The following WWOX variants were observed in gnomAD, a reference collection of about 807,000 sequenced individuals.
The protein encoded by WWOX is WW domain-containing oxidoreductase.
WWOX carries 69 observed loss-of-function variants against 46.2 expected under a neutral mutation model. The observed-to-expected ratio is 1.49, with a 90% CI of 1.23 to 1.82. The LOEUF is 1.82. Ranked by LOEUF, WWOX falls within the 40% of genes most tolerant of loss-of-function variation. WWOX has a pLI of 0.00. For missense variants in WWOX, 919 were observed against 542.6 expected, an observed-to-expected ratio of 1.69 and a Z score of -6.89; for synonymous variants, 359 against 202.6, an observed-to-expected ratio of 1.77 and a Z score of -6.56.
chr16:78,463,777 G>C (rs1218458897), intron 8 of WWOX, among the ~76,000 whole-genome samples: 1 of 152,190 alleles, frequency 6.6e-6, no homozygotes, highest in South Asian at 2.1e-4. Flanking sequence ...TGTTAGGTTA[G>C]GGTTTATGAT....
In WWOX at chr16:78,412,646, GGGA is replaced by G. The variant is rs1201749649; in HGVS notation, c.606-12219_606-12217del. Among the ~76,000 whole-genome samples, 6 of 152,288 alleles carry G rather than the reference GGGA, an allele frequency of 3.9e-5. 1 individual carries two copies. Among genetic ancestry groups the G allele is most frequent in the African/African-American group, 1.4e-4 (6 of 41,562 alleles). On this transcript the variant is annotated intron_variant, in intron 6 of 8. Transcript: ENST00000566780. Reference sequence around the variant, plus strand: ...AGACAGGAAAGTGAGCCAGAAGTGAGGGAGGAGCAGGATCCTCTGCAACAGGGC... The same window carrying G: ...AGACAGGAAAGTGAGCCAGAAGTGAGGGAGCAGGATCCTCTGCAACAGGGC...
intron 8 of WWOX, among the ~76,000 whole-genome samples, chr16:79,045,820 G>GTTTTTGTTTT (rs2048055342): frequency 3.1e-5 from 1 of 31,868 alleles, no homozygotes; most frequent in Non-Finnish European, 6.8e-5. Context: ...TTTTTTTTTT[G>GTTTTTGTTTT]AGATGGAGTC....
At chr16:79,116,880 C>A (rs2049526969) in intron 8 of WWOX, among the ~76,000 whole-genome samples, 2 of 151,942 alleles carry the variant, frequency 1.3e-5, no homozygotes, top group Non-Finnish European at 2.9e-5. Context: ...CTGTAGGCTT[C>A]TAAAATGTAT....
At chr16:78,634,103 G>C (rs1268560082) in intron 8 of WWOX, among the ~76,000 whole-genome samples, 1 of 152,142 alleles carries the variant, frequency 6.6e-6, no homozygotes, top group Non-Finnish European at 1.5e-5. Flanking sequence ...TGGAGATGCA[G>C]CTATATGACT....
intron 8 of WWOX, among the ~76,000 whole-genome samples, chr16:78,680,936 C>T (rs565110715): frequency 1.3e-5 from 2 of 152,026 alleles, no homozygotes; most frequent in African/African-American, 2.4e-5. Flanking sequence ...CATAGTGAGA[C>T]CCTCTGTCTA....
intron 5 of WWOX, among the ~76,000 whole-genome samples, chr16:78,233,209 A>G (rs964654843): frequency 2.6e-5 from 4 of 152,330 alleles, no homozygotes; most frequent in African/African-American, 9.6e-5. Context: ...GACGATCAAC[A>G]TGCTGAACTG....
chr16:78,907,491 T>C (rs2044996864), intron 8 of WWOX, among the ~76,000 whole-genome samples: 1 of 152,208 alleles, frequency 6.6e-6, no homozygotes, highest in South Asian at 2.1e-4. Flanking sequence ...AAAGGCAGTT[T>C]AGTTTGGGGG....
chr16:78,642,732 G>C (rs1394787225), intron 8 of WWOX, among the ~76,000 whole-genome samples: 2 of 152,128 alleles, frequency 1.3e-5, no homozygotes, highest in Non-Finnish European at 2.9e-5. Context: ...CTGAGGCTGT[G>C]TGTGGGTGCA....
chr16:78,753,208 G>A (rs2049530341), intron 8 of WWOX, among the ~76,000 whole-genome samples: 2 of 152,094 alleles, frequency 1.3e-5, no homozygotes, highest in Non-Finnish European at 2.9e-5. Context: ...GCTGAGACAG[G>A]ATAATGGTGT....
intron 8 of WWOX, among the ~76,000 whole-genome samples, chr16:78,952,411 C>G (rs1157546592): frequency 7.0e-6 from 1 of 142,000 alleles, no homozygotes; most frequent in African/African-American, 2.7e-5. Context: ...AGACAAAAGT[C>G]TCGCTCTGTC....
At chr16:79,081,114 G>T (rs190918120) in intron 8 of WWOX, among the ~76,000 whole-genome samples, 1 of 152,136 alleles carries the variant, frequency 6.6e-6, no homozygotes, top group Admixed American at 6.5e-5. Flanking sequence ...TCCATCCCCT[G>T]TGTGGAGATA....
At chr16:78,909,907 T>C (rs571216067) in intron 8 of WWOX, among the ~76,000 whole-genome samples, 132 of 152,336 alleles carry the variant, frequency 8.7e-4, no homozygotes, top group African/African-American at 3.0e-3. Flanking sequence ...CAAAATAAGA[T>C]GTCAAGCTAA....
chr16:78,753,831 T>TAC (rs2049558534), intron 8 of WWOX, among the ~76,000 whole-genome samples: 1 of 81,906 alleles, frequency 1.2e-5, no homozygotes, highest in Non-Finnish European at 2.2e-5. Context: ...AAAAAATATA[T>TAC]ATATATATAT....
At chr16:78,669,129 C>G (rs1429488278) in intron 8 of WWOX, among the ~76,000 whole-genome samples, 1 of 151,730 alleles carries the variant, frequency 6.6e-6, no homozygotes, top group Non-Finnish European at 1.5e-5. Flanking sequence ...GCTGTGGCCC[C>G]ATCTCCACCA....
chr16:78,132,776 C>A lies in WWOX; in HGVS notation c.409+17622C>A, dbSNP rs917560773. ...GTAGCTCTGGGCTCTTCGATTCTCA[C>A]GTGCTGATGGTGTAGCTGAGCTCTG... On this transcript the variant is annotated intron_variant, in intron 4 of 8. Coordinates refer to ENST00000566780, the MANE Select transcript of WWOX (RefSeq NM_016373.4). Among the ~76,000 whole-genome samples the A allele has an allele frequency of 2.0e-5, 3 of 152,152 alleles. No homozygotes were observed. The South Asian group carries it at 6.2e-4, about 32-fold the overall frequency.
At chr16:78,428,991 G>T (rs980363943) in intron 7 of WWOX, among the ~76,000 whole-genome samples, 4 of 152,184 alleles carry the variant, frequency 2.6e-5, no homozygotes, top group African/African-American at 9.7e-5. Context: ...CTCATCATGG[G>T]ATTTGTGTTC....
intron 5 of WWOX, among the ~76,000 whole-genome samples, chr16:78,218,369 G>T (rs1259476048): frequency 6.6e-6 from 1 of 152,032 alleles, no homozygotes; most frequent in Non-Finnish European, 1.5e-5. Flanking sequence ...TTACAAGCCT[G>T]AGCCACCATG....
intron 8 of WWOX, among the ~76,000 whole-genome samples, chr16:79,088,976 G>T (rs900414620): frequency 1.3e-5 from 2 of 152,284 alleles, no homozygotes; most frequent in Middle Eastern, 6.8e-3. Context: ...AGGGAGTATA[G>T]GATGAACTCA....
chr16:78,960,939 A>G (rs145440241), intron 8 of WWOX, among the ~76,000 whole-genome samples: 26 of 152,326 alleles, frequency 1.7e-4, no homozygotes, highest in Admixed American at 1.6e-3. Flanking sequence ...TGGGTCCCAA[A>G]TTATCTTAGC....
Sources: gnomAD v4.1 joint callset for allele counts (sites outside exome capture counted in the v4.1 genomes callset) on GRCh38, gnomAD v4.1.1 for gene constraint, MANE v1.5 for transcripts, NCBI Gene and HGNC (gene_info 2026-07-23, HGNC 2026-07-21) for gene names.